The following USP32 variants were observed in gnomAD, a reference collection of about 807,000 sequenced individuals.
USP32 encodes ubiquitin specific peptidase 32.
USP32 carries 59 observed loss-of-function variants against 204.8 expected under a neutral mutation model. That is an observed-to-expected ratio of 0.29 (90% CI 0.23 to 0.36). The LOEUF is 0.36. Ranked by LOEUF, USP32 falls within the 10% of genes least tolerant of loss-of-function variation. The pLI is 1.00. For synonymous variants in USP32, 517 were observed against 678.4 expected (o/e 0.76, Z 3.70); for missense variants, 1,160 against 1,946.4 (o/e 0.60, Z 7.60).
At chr17:60,222,644 C>T in intron 14 of USP32, 95 bp from the exon 15 acceptor site, 2 of 1,096,720 alleles carry the variant, frequency 1.8e-6, no homozygotes, top group Non-Finnish European at 2.6e-6. Flanking sequence ...ACTCATATAT[C>T]ACCACCCAGT....
intron 16 of USP32, among the ~76,000 whole-genome samples, chr17:60,215,969 G>A (rs2085090675): frequency 6.6e-6 from 1 of 152,102 alleles, no homozygotes; most frequent in Non-Finnish European, 1.5e-5. Context: ...CAAAGTTCTG[G>A]GATTACAAAC....
intron 5 of USP32, among the ~76,000 whole-genome samples, chr17:60,275,819 C>T (rs1310781116): frequency 6.6e-6 from 1 of 151,718 alleles, no homozygotes; most frequent in Non-Finnish European, 1.5e-5. Context: ...TCTAGCGATT[C>T]TCCTGCCTCA....
chr17:60,416,459 C>T (rs2090063018), intron 1 of USP32, among the ~76,000 whole-genome samples: 1 of 152,046 alleles, frequency 6.6e-6, no homozygotes, highest in Non-Finnish European at 1.5e-5. Context: ...AACCCCCTCA[C>T]CTGCCAGATG....
At chr17:60,408,396 G>C (rs2089994776) in intron 1 of USP32, among the ~76,000 whole-genome samples, 2 of 146,972 alleles carry the variant, frequency 1.4e-5, no homozygotes, top group South Asian at 4.3e-4. Context: ...TTTTTTTTTT[G>C]AGACAGAGTC....
At chr17:60,345,852 C>T (rs1054275186) in intron 1 of USP32, among the ~76,000 whole-genome samples, 2 of 152,050 alleles carry the variant, frequency 1.3e-5, no homozygotes, top group Non-Finnish European at 2.9e-5. Context: ...CATGGTGGTG[C>T]ATGCCTATAA....
intron 2 of USP32, among the ~76,000 whole-genome samples, chr17:60,326,217 T>C (rs919743830): frequency 2.1e-4 from 32 of 152,040 alleles, no homozygotes; most frequent in Non-Finnish European, 3.1e-4. Flanking sequence ...TACTGATACA[T>C]AGATTCATCA....
chr17:60,269,865 CA>C (rs982987146), intron 6 of USP32, among the ~76,000 whole-genome samples: 11 of 149,514 alleles, frequency 7.4e-5, no homozygotes, highest in Non-Finnish European at 1.5e-4. Flanking sequence ...AATTAAAAAC[CA>C]AAAAAAGGTC....
chr17:60,257,778 A>G (rs996171403), intron 9 of USP32, among the ~76,000 whole-genome samples: 1 of 150,690 alleles, frequency 6.6e-6, no homozygotes, highest in African/African-American at 2.4e-5. Context: ...GAGCCACCAC[A>G]CAGGCCAGCT....
intron 1 of USP32, chr17:60,421,262 A>G (rs1386213653): frequency 1.4e-6 from 1 of 707,500 alleles, no homozygotes; most frequent in African/African-American, 1.9e-5. Context: ...CAACAACGAC[A>G]ACAATAACAA....
intron 1 of USP32, among the ~76,000 whole-genome samples, chr17:60,413,057 G>A (rs1057400874): frequency 1.3e-5 from 2 of 152,016 alleles, no homozygotes; most frequent in Admixed American, 1.3e-4. Context: ...GAAAAAAAAA[G>A]TGAAATCCAA....
intron 28 of USP32, among the ~76,000 whole-genome samples, chr17:60,191,269 G>A (rs2084372080): frequency 6.6e-6 from 1 of 151,588 alleles, no homozygotes; most frequent in Non-Finnish European, 1.5e-5. Context: ...AGGCATGGTG[G>A]CAGGCACCTA....
At position 60,261,294 on chromosome 17, in the gene USP32, T is replaced by A. The variant is rs184247206; in HGVS notation, c.990+4118A>T. On this transcript the variant is annotated intron_variant, in intron 9 of 33. Transcript: ENST00000300896. ...ATGAAAATGTAATAACTTCTATTAA[T>A]TTTATTGTTTGAAAATCTAAAATGC... Among the ~76,000 whole-genome samples the A allele has an allele frequency of 1.8e-3, 273 of 152,316 alleles. 2 individuals carry two copies. Among genetic ancestry groups the A allele is most frequent in the African/African-American group, 6.2e-3 (259 of 41,566 alleles).
intron 2 of USP32, among the ~76,000 whole-genome samples, chr17:60,313,232 C>G (rs1204558548): frequency 2.9e-5 from 4 of 140,088 alleles, no homozygotes; most frequent in Non-Finnish European, 5.9e-5. Context: ...GCCTGGGTGA[C>G]AGAGTGAGAC....
At position 60,226,643 on chromosome 17, in the gene USP32, C is replaced by T. The variant is rs143483656; in HGVS notation, c.1240-412G>A. ...TATAGAAAACATGAAGAAAATATCACATGTACTCAGATTCCATCATTTAGC... is the reference window on the plus strand; with the variant it reads ...TATAGAAAACATGAAGAAAATATCATATGTACTCAGATTCCATCATTTAGC... On this transcript the variant is annotated intron_variant, in intron 12 of 33. Coordinates refer to ENST00000300896, the MANE Select transcript of USP32 (RefSeq NM_032582.4). 4.1e-4 allele frequency among the ~76,000 whole-genome samples: 62 copies of T among 152,180 alleles called. No individual in the cohort carries two copies. The East Asian group carries it at 0.011, about 26-fold the overall frequency.
intron 1 of USP32, among the ~76,000 whole-genome samples, chr17:60,391,566 G>C (rs978455394): frequency 6.6e-6 from 1 of 152,170 alleles, no homozygotes; most frequent in Non-Finnish European, 1.5e-5. Context: ...GGATGGGCTG[G>C]AGCCGCCCAA....
At chr17:60,247,942 C>G (rs2086076090) in intron 11 of USP32, among the ~76,000 whole-genome samples, 1 of 152,136 alleles carries the variant, frequency 6.6e-6, no homozygotes, top group Non-Finnish European at 1.5e-5. Flanking sequence ...CCTCAGCCTC[C>G]CAAAGCACTA....
chr17:60,301,306 C>A (rs185463733), intron 3 of USP32: 65 of 187,322 alleles, frequency 3.5e-4, no homozygotes, highest in African/African-American at 1.5e-3. Context: ...CTACTTTATA[C>A]TCCCATCAGC....
intron 2 of USP32, among the ~76,000 whole-genome samples, chr17:60,329,713 A>C (rs1237093392): frequency 2.0e-5 from 3 of 152,186 alleles, no homozygotes; most frequent in African/African-American, 4.8e-5. Context: ...AATACCTCAG[A>C]ATATTACCTA....
chr17:60,223,477 C>T lies in USP32; in HGVS notation c.1542G>A (p.Leu514=), dbSNP rs773500288. 2 of 1,613,662 alleles carry T rather than the reference C, an allele frequency of 1.2e-6. No homozygotes were observed. The highest frequency in any genetic ancestry group is 1.1e-5 in the South Asian group (1 of 91,004). Reference sequence around the variant, plus strand: ...CCCCTGGTTTCTGAGGGTTAAGGTGCAACAAAATATTCCCATTGGCTCCCA... The same window carrying T: ...CCCCTGGTTTCTGAGGGTTAAGGTGTAACAAAATATTCCCATTGGCTCCCA... The part of the protein sequence containing the change: ...CLLGANGNIL[L]HLNPQKPGAI... The change falls in exon 14 of 34, where the codon TTG becomes TTA. Residue 514 remains leucine, a synonymous_variant. Coordinates refer to ENST00000300896, the MANE Select transcript of USP32 (RefSeq NM_032582.4).
Sources: allele counts gnomAD v4.1 joint callset (sites outside exome capture counted in the v4.1 genomes callset), GRCh38; gene constraint gnomAD v4.1.1; transcripts MANE v1.5; gene names NCBI Gene and HGNC (gene_info 2026-07-23, HGNC 2026-07-21).